GAD1: variants seen among roughly 807,000 people sequenced by gnomAD.
GAD1 encodes glutamate decarboxylase 1, also known as 67 kDa glutamic acid decarboxylase.
GAD1 carries 35 observed loss-of-function variants against 75.2 expected under a neutral mutation model. The ratio of observed to expected loss-of-function variants is 0.47; its 90% CI spans 0.36 to 0.62. The LOEUF (loss-of-function observed/expected upper bound fraction) is 0.62. Among genes scored for constraint, GAD1 ranks in the 20% least tolerant of loss-of-function variants. The pLI is 0.00. For synonymous variants in GAD1, 257 were observed against 271.9 expected (o/e 0.95, Z 0.54); for missense variants, 490 against 758.5 (o/e 0.65, Z 4.16).
intron 7 of GAD1, 91 bp downstream of exon 7, chr2:170,844,248 AT>A (rs144578957): frequency 1.6e-4 from 121 of 778,142 alleles, no homozygotes; most frequent in East Asian, 3.8e-4. Context: ...ATGCCTTAAC[AT>A]TTTTTTTGGA....
chr2:170,828,197 TCTCCTCTCTCTGCTATCCTCACCC>T (rs1248811337), intron 3 of GAD1, among the ~76,000 whole-genome samples: 1,782 of 43,796 alleles, frequency 0.041, 154 homozygotes, highest in East Asian at 0.4. Flanking sequence ...TGTCCTCACC[TCTCCTCTCTCTGCTATCCTCACCC>T]CTCCTCTTTC....
chr2:170,820,012 CG>C (rs1488321922), intron 2 of GAD1, among the ~76,000 whole-genome samples: 1 of 152,180 alleles, frequency 6.6e-6, no homozygotes, highest in African/African-American at 2.4e-5. Flanking sequence ...TCGGGAGAGT[CG>C]CCAGCCCTGG....
intron 6 of GAD1, among the ~76,000 whole-genome samples, chr2:170,838,176 CT>C (rs1273635249): frequency 1.3e-5 from 2 of 152,196 alleles, no homozygotes; most frequent in African/African-American, 2.4e-5. Flanking sequence ...GATTGAAAAA[CT>C]AAAACGATGT....
At chr2:170,851,206 T>A (rs953899122) in intron 12 of GAD1, among the ~76,000 whole-genome samples, 1 of 152,222 alleles carries the variant, frequency 6.6e-6, no homozygotes, top group African/African-American at 2.4e-5. Context: ...GTCTTATTAC[T>A]TTCCTTTTGT....
At chr2:170,829,754 A>C in intron 4 of GAD1, 121 bp downstream of exon 4, 1 of 1,108,130 alleles carries the variant, frequency 9.0e-7, no homozygotes, top group Non-Finnish European at 1.3e-6. Context: ...CTGAACCCAC[A>C]TGAAACTGCT....
At chr2:170,838,957 G>C (rs1477888028) in intron 6 of GAD1, among the ~76,000 whole-genome samples, 2 of 152,188 alleles carry the variant, frequency 1.3e-5, no homozygotes, top group Non-Finnish European at 2.9e-5. Flanking sequence ...CTGGAGACAA[G>C]GCATTGTCTG....
chr2:170,830,985 G>A lies in GAD1; in HGVS notation c.340G>A (p.Val114Met), dbSNP rs372972664. 2.1e-5 allele frequency: 34 copies of A among 1,614,150 alleles called. 1 individual carries two copies. The highest frequency in any genetic ancestry group is 1.6e-4 in the Middle Eastern group (1 of 6,062). The stretch of plus-strand genomic sequence containing the variant: ...GGCTAAGAACGGTGAGGAGCAAACC[G>A]TGCAATTCCTCCTGGAAGTGGTGGA... ...LPAKNGEEQT[V>M]QFLLEVVDIL... Residue 114 changes from valine to methionine, a missense_variant, in exon 5 of 17, where the codon GTG (valine) becomes ATG (methionine). By Grantham distance (21) the Val-to-Met change is conservative. Transcript: ENST00000358196.
intron 6 of GAD1, chr2:170,843,713 T>C (rs1702571317): frequency 7.8e-6 from 2 of 257,174 alleles, no homozygotes; most frequent in South Asian, 5.4e-5. Flanking sequence ...CCTATAATCT[T>C]AGAGGTAAAA....
intron 5 of GAD1, 46 bp downstream of exon 5, chr2:170,831,238 C>T (rs759706723): frequency 3.7e-6 from 6 of 1,604,344 alleles, no homozygotes; most frequent in Admixed American, 1.7e-5. Flanking sequence ...CTTTGCCCTC[C>T]ATCTCACCCT....
rs769404 is a variant in GAD1 at position 170,822,115 on chromosome 2, T to C, written c.111T>C (p.His37=). 656,826 of 1,610,348 alleles carry C rather than the reference T, an allele frequency of 0.41. 136,707 individuals carry two copies. The highest frequency in any genetic ancestry group is 0.5 in the East Asian group (22,273 of 44,796). The change falls in exon 3 of 17, where the codon CAT becomes CAC. Residue 37 remains histidine, a synonymous_variant. Transcript: ENST00000358196. The stretch of plus-strand genomic sequence containing the variant: ...ACGATACCTGGTGCGGCGTGGCCCA[T>C]GGATGCACCAGAAAACTGGGGCTCA... ...TTYDTWCGVA[H]GCTRKLGLKI...
At chr2:170,836,618 G>A (rs1464633365) in intron 5 of GAD1, among the ~76,000 whole-genome samples, 175 bp from the exon 6 acceptor site, 1 of 152,206 alleles carries the variant, frequency 6.6e-6, no homozygotes, top group Non-Finnish European at 1.5e-5. Context: ...GAATGTTAAT[G>A]TTGGTATAGG....
intron 11 of GAD1, among the ~76,000 whole-genome samples, chr2:170,848,496 CAAAAAAA>C (rs368907107): frequency 1.0e-3 from 65 of 64,088 alleles, no homozygotes; most frequent in African/African-American, 1.5e-3. Context: ...AACTCTGTCT[CAAAAAAA>C]AAAAAAAAAG....
chr2:170,832,662 G>GCACACACACACACACACA (rs1275912956), intron 5 of GAD1, among the ~76,000 whole-genome samples: 9 of 128,458 alleles, frequency 7.0e-5, no homozygotes, highest in Admixed American at 1.5e-4. Context: ...GCGCGCGCGC[G>GCACACACACACACACACA]CGCACACACA....
chr2:170,836,725 G>A, intron 5 of GAD1, 68 bp from the exon 6 acceptor site: 2 of 1,068,288 alleles, frequency 1.9e-6, no homozygotes, highest in Non-Finnish European at 2.9e-6. Flanking sequence ...CAGTGGGGCA[G>A]GCCGTTTGCC....
At chr2:170,827,119 C>A (rs1702044038) in intron 3 of GAD1, among the ~76,000 whole-genome samples, 1 of 152,176 alleles carries the variant, frequency 6.6e-6, no homozygotes, top group South Asian at 2.1e-4. Flanking sequence ...CTTTCCCCTT[C>A]TTCCCTCCAG....
At chr2:170,855,000 A>G (rs976164737) in intron 14 of GAD1, among the ~76,000 whole-genome samples, 12 of 152,202 alleles carry the variant, frequency 7.9e-5, no homozygotes, top group African/African-American at 2.9e-4. Context: ...TATGCAATCA[A>G]GGAAAAGAAA....
At chr2:170,835,541 A>C (rs959077716) in intron 5 of GAD1, among the ~76,000 whole-genome samples, 7 of 152,242 alleles carry the variant, frequency 4.6e-5, no homozygotes, top group African/African-American at 1.4e-4. Flanking sequence ...AGCTAAAAAT[A>C]AGATTTTGAA....
At chr2:170,845,233 G>T in intron 7 of GAD1, 1 of 512,940 alleles carries the variant, frequency 1.9e-6, no homozygotes. Context: ...TTATATTTCT[G>T]TCTAGACTTC....
Position 170,842,778 on chromosome 2 carries a change from T to C in GAD1, c.639-1267T>C, listed in dbSNP as rs967813868. ...CAACATATCTGAGGATCCTTCAGGATCTTTTTGTCTTCTTTTACCTCCATG... is the reference window on the plus strand; with the variant it reads ...CAACATATCTGAGGATCCTTCAGGACCTTTTTGTCTTCTTTTACCTCCATG... On this transcript the variant is annotated intron_variant, in intron 6 of 16. Coordinates refer to ENST00000358196, the MANE Select transcript of GAD1 (RefSeq NM_000817.3). The C allele has an allele frequency of 1.6e-5, 23 of 1,457,890 alleles. No individual in the cohort carries two copies. The African/African-American group carries it at 2.9e-4, about 18-fold the overall frequency. The allele number at this position is 1,457,890 out of a possible 1,614,324, so 90.3% of individuals were successfully genotyped here.
Sources: gnomAD v4.1 joint callset for allele counts (sites outside exome capture counted in the v4.1 genomes callset) on GRCh38, gnomAD v4.1.1 for gene constraint, MANE v1.5 for transcripts, NCBI Gene and HGNC (gene_info 2026-07-23, HGNC 2026-07-21) for gene names.